Variants in TBC1D5 observed in about 807,000 individuals in gnomAD.
TBC1D5 encodes TBC1 domain family member 5.
Under a neutral mutation model 100.3 loss-of-function variants are expected in TBC1D5, and 75 were observed. The ratio of observed to expected loss-of-function variants is 0.75; its 90% confidence interval spans 0.62 to 0.91. The LOEUF is 0.91. Among genes scored for constraint, TBC1D5 ranks in the 40% least tolerant of loss-of-function variants. The pLI, the probability that TBC1D5 is intolerant of heterozygous loss-of-function variation, is 0.00. For missense variants in TBC1D5, 910 were observed against 942.4 expected (o/e 0.97, Z 0.45); for synonymous variants, 323 against 325.6 (o/e 0.99, Z 0.09).
At chr3:17,212,011 T>C (rs1383422466) in intron 18 of TBC1D5, among the ~76,000 whole-genome samples, 1 of 152,216 alleles carries the variant, frequency 6.6e-6, no homozygotes, top group African/African-American at 2.4e-5. Context: ...CCCCAAGACA[T>C]ACAAAGTCAC....
intron 2 of TBC1D5, among the ~76,000 whole-genome samples, chr3:17,618,623 C>G (rs1036682827): frequency 6.6e-6 from 1 of 152,222 alleles, no homozygotes; most frequent in African/African-American, 2.4e-5. Flanking sequence ...CGCCCCTCCC[C>G]CAGCCAGGCT....
chr3:17,317,264 ATGTCTCAG>A (rs2084809116), intron 13 of TBC1D5, among the ~76,000 whole-genome samples: 1 of 152,224 alleles, frequency 6.6e-6, no homozygotes, highest in Non-Finnish European at 1.5e-5. Flanking sequence ...GGGATTATGT[ATGTCTCAG>A]TTACTATCCA....
At chr3:17,430,081 C>G (rs1245116160) in intron 3 of TBC1D5, among the ~76,000 whole-genome samples, 2 of 151,636 alleles carry the variant, frequency 1.3e-5, no homozygotes, top group African/African-American at 4.8e-5. Context: ...ATTACTCATA[C>G]AGCACCCTTC....
chr3:17,414,917 A>G (rs1335989777), intron 4 of TBC1D5, among the ~76,000 whole-genome samples: 1 of 152,168 alleles, frequency 6.6e-6, no homozygotes, highest in Non-Finnish European at 1.5e-5. Context: ...CTTAAAATGT[A>G]TTTTTTCATA....
intron 15 of TBC1D5, among the ~76,000 whole-genome samples, chr3:17,282,439 T>C (rs2733514): frequency 0.42 from 64,324 of 152,018 alleles, 14,355 homozygotes; most frequent in Middle Eastern, 0.5. Context: ...ATGGAGGAGA[T>C]TGGTTTGTAG....
intron 13 of TBC1D5, among the ~76,000 whole-genome samples, chr3:17,356,941 T>C (rs1343756722): frequency 1.3e-5 from 2 of 152,086 alleles, no homozygotes; most frequent in Admixed American, 1.3e-4. Flanking sequence ...TTCAGAGATC[T>C]TTAAATAGTT....
At chr3:17,631,901 C>T (rs748552202) in intron 1 of TBC1D5, among the ~76,000 whole-genome samples, 6 of 152,208 alleles carry the variant, frequency 3.9e-5, no homozygotes, top group Non-Finnish European at 5.9e-5. Context: ...AGGAGATTAA[C>T]GTTGTTTTCA....
At chr3:17,631,172 C>G (rs961359232) in intron 1 of TBC1D5, among the ~76,000 whole-genome samples, 1 of 151,878 alleles carries the variant, frequency 6.6e-6, no homozygotes, top group African/African-American at 2.4e-5. Flanking sequence ...AGTAAAATAG[C>G]CTTAGTGCCG....
At chr3:17,351,934 T>TC (rs144918629) in intron 13 of TBC1D5, among the ~76,000 whole-genome samples, 13,352 of 150,616 alleles carry the variant, frequency 0.089, 1,387 homozygotes, top group African/African-American at 0.25. Flanking sequence ...AATCCGTTTT[T>TC]TTTTCCCCCC....
intron 18 of TBC1D5, among the ~76,000 whole-genome samples, chr3:17,204,505 T>C (rs1417833098): frequency 6.6e-6 from 1 of 152,214 alleles, no homozygotes; most frequent in Non-Finnish European, 1.5e-5. Flanking sequence ...TTACTTGAGC[T>C]TTCCCCAAAC....
At chr3:17,562,867 T>G (rs2096568547) in intron 2 of TBC1D5, among the ~76,000 whole-genome samples, 1 of 152,322 alleles carries the variant, frequency 6.6e-6, no homozygotes, top group African/African-American at 2.4e-5. Context: ...GGCAGGAAGA[T>G]TCTGAAGTCT....
At chr3:17,528,580 C>G (rs900000757) in intron 2 of TBC1D5, among the ~76,000 whole-genome samples, 31 of 152,140 alleles carry the variant, frequency 2.0e-4, no homozygotes, top group Non-Finnish European at 3.5e-4. Context: ...AAGACAACTC[C>G]TTATACAAAA....
chr3:17,508,897 T>A (rs1299842985), intron 2 of TBC1D5, among the ~76,000 whole-genome samples: 3 of 152,194 alleles, frequency 2.0e-5, no homozygotes, highest in Non-Finnish European at 4.4e-5. Context: ...AAGACAATAT[T>A]CTCACATTTA....
At chr3:17,364,237 T>G (rs2091955780) in intron 13 of TBC1D5, among the ~76,000 whole-genome samples, 1 of 152,200 alleles carries the variant, frequency 6.6e-6, no homozygotes, top group Admixed American at 6.5e-5. Context: ...CATATCATAT[T>G]TTGAATAATC....
At chr3:17,454,726 T>C (rs60909298) in intron 3 of TBC1D5, among the ~76,000 whole-genome samples, 13,883 of 152,076 alleles carry the variant, frequency 0.091, 1,435 homozygotes, top group African/African-American at 0.26. Flanking sequence ...TCCCAAAGTA[T>C]TGGGATTACA....
chr3:17,362,202 G>A (rs1453337074), intron 13 of TBC1D5, among the ~76,000 whole-genome samples: 1 of 152,134 alleles, frequency 6.6e-6, no homozygotes, highest in Non-Finnish European at 1.5e-5. Context: ...AAAACATAAT[G>A]TGTATGACTT....
chr3:17,636,064 G>T (rs2063888084), intron 1 of TBC1D5, among the ~76,000 whole-genome samples: 1 of 151,982 alleles, frequency 6.6e-6, no homozygotes, highest in Non-Finnish European at 1.5e-5. Flanking sequence ...GTGGTGGTGG[G>T]CACCTGTAAT....
At chr3:17,230,320 C>T (rs1237887431) in intron 17 of TBC1D5, among the ~76,000 whole-genome samples, 1 of 152,096 alleles carries the variant, frequency 6.6e-6, no homozygotes, top group Non-Finnish European at 1.5e-5. Flanking sequence ...AGAAAGTCAC[C>T]TCCAAACAAA....
upstream of TBC1D5, among the ~76,000 whole-genome samples, chr3:17,741,849 C>G (rs1163708184): frequency 8.0e-6 from 1 of 124,406 alleles, no homozygotes; most frequent in African/African-American, 3.0e-5. Context: ...TCCTGAAAGA[C>G]CTCCGTTTCT....
Sources: gnomAD v4.1 joint callset for allele counts (sites outside exome capture counted in the v4.1 genomes callset) on GRCh38, gnomAD v4.1.1 for gene constraint, MANE v1.5 for transcripts, NCBI Gene and HGNC (gene_info 2026-07-23, HGNC 2026-07-21) for gene names.